The following AMPH variants were observed in gnomAD, a reference collection of about 807,000 sequenced individuals.
The protein encoded by AMPH is amphiphysin (Stiff-Mann syndrome with breast cancer 128kD autoantigen).
In AMPH, 49 loss-of-function variants were observed where a neutral mutation model predicts 99.1. The observed-to-expected ratio is 0.49, with a 90% CI of 0.39 to 0.63. The LOEUF is 0.63. AMPH is among the 20% of genes least tolerant of loss of function. AMPH has a pLI of 0.00. For missense variants in AMPH, 759 were observed against 863.4 expected (o/e 0.88, Z 1.52); for synonymous variants, 314 against 317.3 (o/e 0.99, Z 0.11).
chr7:38,467,255 A>C (rs1019289), intron 7 of AMPH, among the ~76,000 whole-genome samples: 150,115 of 152,256 alleles, frequency 0.99, 74,009 homozygotes, highest in East Asian at 1. Context: ...CAGTGGGCAA[A>C]CCCTAGATGT....
At chr7:38,441,831 A>ATC (rs1786552636) in intron 11 of AMPH, among the ~76,000 whole-genome samples, 2 of 91,180 alleles carry the variant, frequency 2.2e-5, no homozygotes, top group South Asian at 4.3e-4. Flanking sequence ...TATATCATAT[A>ATC]TATCATATAT....
At chr7:38,538,992 A>G (rs1790713739) in intron 1 of AMPH, among the ~76,000 whole-genome samples, 1 of 152,222 alleles carries the variant, frequency 6.6e-6, no homozygotes, top group South Asian at 2.1e-4. Context: ...TAAAGCTACT[A>G]GAGTGTATAA....
At chr7:38,530,880 G>T (rs566260472) in intron 2 of AMPH, among the ~76,000 whole-genome samples, 1 of 152,294 alleles carries the variant, frequency 6.6e-6, no homozygotes, top group Admixed American at 6.5e-5. Context: ...TGTTCTTCCT[G>T]CTGGATTTCT....
intron 11 of AMPH, among the ~76,000 whole-genome samples, chr7:38,446,687 T>G (rs1233359797): frequency 6.6e-6 from 1 of 152,212 alleles, no homozygotes; most frequent in East Asian, 1.9e-4. Context: ...GTGACATATA[T>G]TCATTATCTT....
At chr7:38,571,184 A>AAT (rs1299242101) in intron 1 of AMPH, among the ~76,000 whole-genome samples, 1 of 94,234 alleles carries the variant, frequency 1.1e-5, no homozygotes, top group Non-Finnish European at 1.9e-5. Flanking sequence ...TTTATATATG[A>AAT]ATATATATAT....
At chr7:38,565,939 T>C (rs1478462630) in intron 1 of AMPH, among the ~76,000 whole-genome samples, 1 of 152,166 alleles carries the variant, frequency 6.6e-6, no homozygotes, top group Non-Finnish European at 1.5e-5. Flanking sequence ...AATGCAACAT[T>C]TACAAAACTA....
At chr7:38,494,670 T>C (rs1426611422) in intron 3 of AMPH, 143 bp from the exon 4 acceptor site, 2 of 661,090 alleles carry the variant, frequency 3.0e-6, no homozygotes, top group African/African-American at 1.8e-5. Context: ...CTGCTGCTTG[T>C]ATCTGCTGTT....
intron 2 of AMPH, among the ~76,000 whole-genome samples, chr7:38,531,721 A>G (rs1333886255): frequency 6.6e-6 from 1 of 152,210 alleles, no homozygotes; most frequent in East Asian, 1.9e-4. Flanking sequence ...ATTAAGCACT[A>G]CTTGAGTGTG....
chr7:38,394,057 C>T lies in AMPH; in HGVS notation c.1556G>A (p.Gly519Asp), dbSNP rs935875007. ...EAKIGTETTE[G>D]AESAQPEAEE... is the part of the protein sequence containing the mutation. Reference sequence around the variant, plus strand: ...TGCTTCAGGTTGGGCACTCTCTGCACCCTCAGTGGTTTCAGTTCCAATTTT... The same window carrying T: ...TGCTTCAGGTTGGGCACTCTCTGCATCCTCAGTGGTTTCAGTTCCAATTTT... The change falls in exon 18 of 21, where the codon GGT becomes GAT. Residue 519 changes from glycine to aspartate, a missense_variant. Gly to Asp is a moderately conservative substitution (Grantham distance 94). Transcript: ENST00000356264. 6.2e-7 allele frequency: 1 copy of T among 1,614,068 alleles called. No individual in the cohort carries two copies. The highest frequency in any genetic ancestry group is 1.3e-5 in the African/African-American group (1 of 74,918).
chr7:38,410,908 T>C (rs907378108), intron 17 of AMPH, among the ~76,000 whole-genome samples: 5 of 152,212 alleles, frequency 3.3e-5, no homozygotes, highest in African/African-American at 1.2e-4. Flanking sequence ...GGAACATCCA[T>C]CAAGTCTAAG....
intron 1 of AMPH, among the ~76,000 whole-genome samples, chr7:38,590,777 C>T (rs1012091972): frequency 6.6e-6 from 1 of 152,132 alleles, no homozygotes; most frequent in African/African-American, 2.4e-5. Flanking sequence ...CCAGCTAGTC[C>T]TGTCTCTCAG....
chr7:38,411,020 T>A (rs1432662897), intron 17 of AMPH, among the ~76,000 whole-genome samples: 1 of 152,230 alleles, frequency 6.6e-6, no homozygotes, highest in Non-Finnish European at 1.5e-5. Flanking sequence ...TATATTTTTA[T>A]AAAACCTCCT....
chr7:38,462,795 A>T (rs2072506), intron 10 of AMPH, among the ~76,000 whole-genome samples, 180 bp downstream of exon 10: 17,098 of 152,204 alleles, frequency 0.11, 1,394 homozygotes, highest in East Asian at 0.31. Flanking sequence ...AGGAAATATC[A>T]AGTCAAATAA....
At chr7:38,630,717 G>A (rs1301883303) in intron 1 of AMPH, among the ~76,000 whole-genome samples, 1 of 152,196 alleles carries the variant, frequency 6.6e-6, no homozygotes, top group Non-Finnish European at 1.5e-5. Context: ...AGCACTGTGT[G>A]ATCACGATCC....
Position 38,475,903 on chromosome 7 carries a change from G to A in AMPH, c.505-487C>T, listed in dbSNP as rs142215368. On this transcript the variant is annotated intron_variant, in intron 6 of 20. Transcript: ENST00000356264. ...AAATGTTTGCTAAAGGAGGGGGTAA[G>A]AAAGACATTACAATACATAAAGGTG... Among the ~76,000 whole-genome samples the A allele has an allele frequency of 1.8e-4, 28 of 152,312 alleles. No individual in the cohort carries two copies. In the East Asian group the frequency reaches 5.2e-3, roughly 28 times the overall value.
chr7:38,512,884 C>G (rs1185300624), intron 2 of AMPH, among the ~76,000 whole-genome samples: 1 of 152,198 alleles, frequency 6.6e-6, no homozygotes, highest in Non-Finnish European at 1.5e-5. Flanking sequence ...TTTTCTTCCT[C>G]CTGTCTGGCA....
chr7:38,509,407 C>T (rs549311604), intron 2 of AMPH, among the ~76,000 whole-genome samples: 25 of 152,304 alleles, frequency 1.6e-4, no homozygotes, highest in African/African-American at 5.8e-4. Flanking sequence ...TGATCACATA[C>T]TTTCTAGCTT....
chr7:38,482,948 G>T (rs1788346806), intron 5 of AMPH, among the ~76,000 whole-genome samples: 1 of 152,070 alleles, frequency 6.6e-6, no homozygotes, highest in African/African-American at 2.4e-5. Context: ...ATTTTTGTTT[G>T]TAAGACACCC....
chr7:38,523,001 G>A (rs563550952), intron 2 of AMPH, among the ~76,000 whole-genome samples: 2 of 151,888 alleles, frequency 1.3e-5, no homozygotes, highest in African/African-American at 4.8e-5. Flanking sequence ...CCAGCTACTC[G>A]GGAGGCTGAG....
Sources: allele counts gnomAD v4.1 joint callset (sites outside exome capture counted in the v4.1 genomes callset), GRCh38; gene constraint gnomAD v4.1.1; transcripts MANE v1.5; gene names NCBI Gene and HGNC (gene_info 2026-07-23, HGNC 2026-07-21).